STIL: variants seen among roughly 807,000 people sequenced by gnomAD.
STIL encodes the protein STIL centriolar assembly protein.
STIL carries 55 observed loss-of-function variants against 110.1 expected under a neutral mutation model. The ratio of observed to expected loss-of-function variants is 0.50; its 90% CI spans 0.40 to 0.63. The LOEUF is 0.63. Ranked by LOEUF, STIL falls within the 20% of genes least tolerant of loss-of-function variation. The pLI is 0.00. For synonymous variants in STIL, 481 were observed against 530.0 expected, an observed-to-expected ratio of 0.91 and a Z score of 1.27; for missense variants, 1,358 against 1,530.0, an observed-to-expected ratio of 0.89 and a Z score of 1.87.
chr1:47,271,948 G>A, intron 13 of STIL, 128 bp downstream of exon 13: 1 of 920,124 alleles, frequency 1.1e-6, no homozygotes, highest in South Asian at 1.5e-5. Context: ...AAAAACTTAA[G>A]TCATACTCTC....
intron 2 of STIL, 58 bp from the exon 3 acceptor site, chr1:47,305,054 TGGTAGGAAACAACTAACTATCTTTAA>T: frequency 8.0e-7 from 1 of 1,250,520 alleles, no homozygotes; most frequent in Non-Finnish European, 1.2e-6. Context: ...GGTAGACATT[TGGTAGGAAACAACTAACTATCTTTAA>T]GGTGATGGTA....
intron 16 of STIL, among the ~76,000 whole-genome samples, chr1:47,259,577 C>T (rs1469797966): frequency 6.6e-6 from 1 of 152,158 alleles, no homozygotes; most frequent in East Asian, 1.9e-4. Context: ...GCGTGAGCCA[C>T]CGCGCCCGGC....
At chr1:47,261,572 T>C (rs534678725) in intron 15 of STIL, among the ~76,000 whole-genome samples, 1 of 151,522 alleles carries the variant, frequency 6.6e-6, no homozygotes, top group Admixed American at 6.6e-5. Context: ...AAACCCCATC[T>C]CTGCTAAAAA....
At chr1:47,305,686 A>G (rs1232713296) in intron 2 of STIL, among the ~76,000 whole-genome samples, 2 of 148,224 alleles carry the variant, frequency 1.3e-5, no homozygotes, top group African/African-American at 5.0e-5. Flanking sequence ...TCAGCCTCCC[A>G]AAGTGCTGGG....
At chr1:47,263,726 G>A (rs1374968207) in intron 14 of STIL, among the ~76,000 whole-genome samples, 2 of 110,256 alleles carry the variant, frequency 1.8e-5, no homozygotes, top group South Asian at 5.5e-4. Flanking sequence ...TTTTAGGTAT[G>A]TTATTTGTTC....
chr1:47,274,393 G>A (rs1476104643), intron 12 of STIL, among the ~76,000 whole-genome samples: 1 of 148,598 alleles, frequency 6.7e-6, no homozygotes, highest in Admixed American at 6.8e-5. Context: ...GTGCAGTGGC[G>A]TATCTCAGCT....
chr1:47,296,179 C>G (rs1286974538), intron 6 of STIL, among the ~76,000 whole-genome samples: 1 of 152,174 alleles, frequency 6.6e-6, no homozygotes, highest in Non-Finnish European at 1.5e-5. Context: ...AGTTTCAGAA[C>G]CAAATAGGTT....
intron 10 of STIL, 61 bp downstream of exon 10, chr1:47,287,490 C>G: frequency 9.0e-7 from 1 of 1,108,438 alleles, no homozygotes. Flanking sequence ...TTTTACTCAC[C>G]AAAAACTAAT....
chr1:47,269,952 A>G, intron 13 of STIL, 86 bp from the exon 14 acceptor site: 1 of 1,291,378 alleles, frequency 7.7e-7, no homozygotes, highest in Non-Finnish European at 1.1e-6. Context: ...GAATAGCCAT[A>G]TTGGCTGGGT....
intron 8 of STIL, among the ~76,000 whole-genome samples, chr1:47,291,360 CAAAA>C (rs1466379573): frequency 6.8e-6 from 1 of 147,670 alleles, no homozygotes; most frequent in Non-Finnish European, 1.5e-5. Context: ...GACTCCATCT[CAAAA>C]AAAATAAGTA....
chr1:47,313,453 A>T (rs1057489475), intron 1 of STIL, among the ~76,000 whole-genome samples: 4 of 151,876 alleles, frequency 2.6e-5, no homozygotes, highest in African/African-American at 9.7e-5. Context: ...CTCATCCTAC[A>T]TTCCAGTCAA....
At chr1:47,274,055 C>T (rs1165501014) in intron 12 of STIL, among the ~76,000 whole-genome samples, 1 of 151,850 alleles carries the variant, frequency 6.6e-6, no homozygotes, top group African/African-American at 2.4e-5. Context: ...TAATTTGTTG[C>T]GTACTTCCTC....
At chr1:47,293,689 CT>C in intron 7 of STIL, 145 bp from the exon 8 acceptor site, 1 of 622,736 alleles carries the variant, frequency 1.6e-6, no homozygotes, top group African/African-American at 1.9e-5. Context: ...TAAAAACGTG[CT>C]GATAATTAAA....
At chr1:47,260,840 G>A (rs574815683) in intron 15 of STIL, among the ~76,000 whole-genome samples, 6 of 152,174 alleles carry the variant, frequency 3.9e-5, no homozygotes, top group East Asian at 1.9e-4. Flanking sequence ...TATATCCTGC[G>A]TGACAAAGTG....
intron 11 of STIL, among the ~76,000 whole-genome samples, chr1:47,281,469 C>T (rs547839725): frequency 6.6e-6 from 1 of 152,248 alleles, no homozygotes; most frequent in South Asian, 2.1e-4. Context: ...AATAATGGAA[C>T]TCTTTTTATT....
At chr1:47,294,673 A>G (rs1645591332) in intron 7 of STIL, among the ~76,000 whole-genome samples, 1 of 152,256 alleles carries the variant, frequency 6.6e-6, no homozygotes, top group Non-Finnish European at 1.5e-5. Flanking sequence ...TGACAAAGTG[A>G]GACCCTGTCT....
chr1:47,301,325 C>T (rs1350065646), intron 5 of STIL, among the ~76,000 whole-genome samples: 1 of 152,112 alleles, frequency 6.6e-6, no homozygotes, highest in Admixed American at 6.6e-5. Context: ...TAAACACTAC[C>T]CTAAGTACAT....
rs1645132873 is a variant in STIL at position 47,280,693 on chromosome 1, T to A, written c.1765A>T (p.Ile589Leu). The A allele has an allele frequency of 6.2e-7, 1 of 1,614,224 alleles. No individual in the cohort carries two copies. Among genetic ancestry groups the A allele is most frequent in the Non-Finnish European group, 8.5e-7 (1 of 1,180,050 alleles). Residue 589 changes from isoleucine (I) to leucine (L), a missense_variant, in exon 12 of 17, where the codon ATA becomes TTA. Physicochemically the swap from Ile to Leu is conservative, Grantham distance 5. Transcript: ENST00000371877. The part of the protein sequence containing the change: ...HNSGRPMELQ[I>L]PTPPLPSYCS... ...TAAGATGGCAGTGGGGGAGTAGGTATCTGAAGTTCCATTGGTCTTCCTGAA... is the reference window on the plus strand; with the variant it reads ...TAAGATGGCAGTGGGGGAGTAGGTAACTGAAGTTCCATTGGTCTTCCTGAA...
chr1:47,267,469 C>T (rs1221581788), intron 14 of STIL, among the ~76,000 whole-genome samples: 1 of 151,800 alleles, frequency 6.6e-6, no homozygotes, highest in African/African-American at 2.4e-5. Context: ...ATTTGAAAGG[C>T]CGAGGCAGGT....
Sources: allele counts gnomAD v4.1 joint callset (sites outside exome capture counted in the v4.1 genomes callset), GRCh38; gene constraint gnomAD v4.1.1; transcripts MANE v1.5; gene names NCBI Gene and HGNC (gene_info 2026-07-23, HGNC 2026-07-21).